PPP1R15B: variants seen among roughly 807,000 people sequenced by gnomAD.
The protein encoded by PPP1R15B is protein phosphatase 1, regulatory (inhibitor) subunit 15B.
PPP1R15B carries 31 observed loss-of-function variants against 53.9 expected under a neutral mutation model. That is an observed-to-expected ratio of 0.58 (90% CI 0.43 to 0.78). PPP1R15B has a LOEUF of 0.78. PPP1R15B is among the 30% of genes least tolerant of loss of function. The pLI, the probability that PPP1R15B is intolerant of heterozygous loss-of-function variation, is 0.00. For missense variants in PPP1R15B, 928 were observed against 849.6 expected, an observed-to-expected ratio of 1.09 and a Z score of -1.15; for synonymous variants, 345 against 329.1, an observed-to-expected ratio of 1.05 and a Z score of -0.52.
downstream of PPP1R15B, among the ~76,000 whole-genome samples, chr1:204,398,606 G>A (rs572501635): frequency 6.6e-6 from 1 of 152,350 alleles, no homozygotes; most frequent in Non-Finnish European, 1.5e-5. Context: ...GGCCTGGAAT[G>A]GGCAGGGCAG....
At position 204,411,468 on chromosome 1, in the gene PPP1R15B, G is replaced by A; in HGVS notation, c.-57C>T. 1 of 1,563,920 alleles carries A rather than the reference G, an allele frequency of 6.4e-7. No homozygotes were observed. The highest frequency in any genetic ancestry group is 8.6e-7 in the Non-Finnish European group (1 of 1,161,742). ...CCGCGGCGCTCAGCGGCTGGAGGTC[G>A]ACGGGATTCGGAGGAAGCCTACAGA... On this transcript the variant is annotated 5_prime_UTR_variant, in exon 1 of 2. Transcript: ENST00000367188.
downstream of PPP1R15B, among the ~76,000 whole-genome samples, chr1:204,397,165 C>G (rs1674109711): frequency 6.6e-6 from 1 of 151,586 alleles, no homozygotes. Context: ...TCCAGCTTGG[C>G]AACAGAGCAA....
At position 204,403,825 on chromosome 1, in the gene PPP1R15B, T is replaced by C; in HGVS notation, c.*2267A>G. 4.1e-6 allele frequency: 4 copies of C among 985,884 alleles called. No individual in the cohort carries two copies. The highest frequency in any genetic ancestry group is 3.6e-6 in the Non-Finnish European group (3 of 829,936). The allele number at this position is 985,884 out of a possible 1,614,324, so 61.1% of individuals were successfully genotyped here. Reference sequence around the variant, plus strand: ...TTTCTCCTTCAGTCCAACTTTAAAATAGTCCTTTCTGTCCTTCTTATCACC... The same window carrying C: ...TTTCTCCTTCAGTCCAACTTTAAAACAGTCCTTTCTGTCCTTCTTATCACC... On this transcript the variant is annotated 3_prime_UTR_variant, in exon 2 of 2. Transcript: ENST00000367188.
chr1:204,397,081 G>A (rs1428236353), downstream of PPP1R15B, among the ~76,000 whole-genome samples: 1 of 151,952 alleles, frequency 6.6e-6, no homozygotes, highest in Non-Finnish European at 1.5e-5. Flanking sequence ...CCAGCTACTC[G>A]GGAAACTGAG....
chr1:204,410,281 T>C lies in PPP1R15B; in HGVS notation c.1131A>G (p.Glu377=). The change falls in exon 1 of 2, where the codon GAA becomes GAG. Residue 377 remains glutamate, a synonymous_variant. Coordinates refer to ENST00000367188, the MANE Select transcript of PPP1R15B (RefSeq NM_032833.5). ...GACAGCCCTCAGAAGGGCTCTCTTC[T>C]TCCAAAGCAAGTGGAACCTCTGTAG... ...LLTTEVPLAL[E]EESPSEGCPS... is the part of the protein sequence containing the mutation. 1 of 1,614,196 alleles carries C rather than the reference T, an allele frequency of 6.2e-7. No individual in the cohort carries two copies. Among genetic ancestry groups the C allele is most frequent in the Non-Finnish European group, 8.5e-7 (1 of 1,180,032 alleles).
At chr1:204,397,146 C>G (rs1038834876), downstream of PPP1R15B, among the ~76,000 whole-genome samples, 2 of 151,826 alleles carry the variant, frequency 1.3e-5, no homozygotes, top group Admixed American at 6.6e-5. Context: ...CATGATCATG[C>G]CACTGCACTC....
At position 204,410,170 on chromosome 1, in the gene PPP1R15B, G is replaced by A. The variant is rs1674340362; in HGVS notation, c.1242C>T (p.Pro414=). 1 of 1,613,878 alleles carries A rather than the reference G, an allele frequency of 6.2e-7. No homozygotes were observed. Among genetic ancestry groups the A allele is most frequent in the Non-Finnish European group, 8.5e-7 (1 of 1,180,020 alleles). ...VDYSYLEGDL[P]ISARPACSNK... ...TACTACAAGCTGGTCTGGCAGAAAT[G>A]GGAAGGTCACCTTCTAGGTATGAGT... Residue 414 remains proline, a synonymous_variant, in exon 1 of 2, where the codon CCC becomes CCT. Coordinates refer to ENST00000367188, the MANE Select transcript of PPP1R15B (RefSeq NM_032833.5).
Position 204,406,048 on chromosome 1 carries a change from A to G in PPP1R15B, c.*44T>C, listed in dbSNP as rs746092967. The G allele has an allele frequency of 5.1e-6, 8 of 1,584,110 alleles. No homozygotes were observed. The highest frequency in any genetic ancestry group is 1.8e-5 in the Admixed American group (1 of 56,534). On this transcript the variant is annotated 3_prime_UTR_variant, in exon 2 of 2. Coordinates refer to ENST00000367188, the MANE Select transcript of PPP1R15B (RefSeq NM_032833.5). The stretch of plus-strand genomic sequence containing the variant: ...GATTTGTTTTTAAAAGACACCTCTC[A>G]GGTAAGAGGTAGTGTATGCTAGCTA...
rs367925820 is a variant in PPP1R15B at position 204,411,394 on chromosome 1, G to A, written c.18C>T (p.Gly6=). 2.5e-6 allele frequency: 4 copies of A among 1,612,348 alleles called. No homozygotes were observed. Among genetic ancestry groups the A allele is most frequent in the South Asian group, 1.1e-5 (1 of 91,020 alleles). The part of the protein sequence containing the change: MEPGT[G]GSRKRLGPRA... ...GAGGGCCAAGCCGTTTCCGCGATCC[G>A]CCTGTCCCCGGCTCCATCTCCTTTT... The change falls in exon 1 of 2, where the codon GGC becomes GGT. Residue 6 remains glycine, a synonymous_variant. Coordinates refer to ENST00000367188, the MANE Select transcript of PPP1R15B (RefSeq NM_032833.5).
Position 204,409,788 on chromosome 1 carries a change from C to T in PPP1R15B, c.1624G>A (p.Asp542Asn), listed in dbSNP as rs774532170. Reference protein sequence around the residue: ...TPEHSSGEEDDWESSADEAES... With the variant: ...TPEHSSGEEDNWESSADEAES... ...GCTTCATCTGCACTAGATTCCCAGT[C>T]ATCTTCCTCCCCAGAACTATGCTCA... The change falls in exon 1 of 2, where the codon GAC becomes AAC. Residue 542 changes from aspartate (D) to asparagine (N), a missense_variant. Transcript: ENST00000367188. The T allele has an allele frequency of 6.2e-6, 10 of 1,614,198 alleles. No homozygotes were observed. In the East Asian group the frequency reaches 2.2e-4, roughly 36 times the overall value.
chr1:204,396,353 C>CAA (rs1448025124), downstream of PPP1R15B, among the ~76,000 whole-genome samples: 255 of 60,716 alleles, frequency 4.2e-3, 3 homozygotes, highest in African/African-American at 0.014. Flanking sequence ...ACTAAAAATA[C>CAA]AAAAAAAAAA....
chr1:204,401,267 C>A (rs1478758342), downstream of PPP1R15B, among the ~76,000 whole-genome samples: 1 of 152,170 alleles, frequency 6.6e-6, no homozygotes, highest in Non-Finnish European at 1.5e-5. Context: ...AAGAGATTTA[C>A]GTATCCTCTT....
chr1:204,411,437 G>T lies in PPP1R15B; in HGVS notation c.-26C>A. On this transcript the variant is annotated 5_prime_UTR_variant, in exon 1 of 2. Coordinates refer to ENST00000367188, the MANE Select transcript of PPP1R15B (RefSeq NM_032833.5). ...CTCCTTTTTCTTGACAGTCTCTCAG[G>T]TAGGGCCGCGGCGCTCAGCGGCTGG... The T allele has an allele frequency of 6.3e-7, 1 of 1,596,528 alleles. No homozygotes were observed. Among genetic ancestry groups the T allele is most frequent in the Non-Finnish European group, 8.5e-7 (1 of 1,173,854 alleles).
downstream of PPP1R15B, among the ~76,000 whole-genome samples, chr1:204,397,434 G>A (rs1429312700): frequency 6.6e-6 from 1 of 151,994 alleles, no homozygotes; most frequent in Non-Finnish European, 1.5e-5. Context: ...GCTGAGACAT[G>A]AGAATTGCTT....
rs747398407 is a variant in PPP1R15B, at chr1:204,410,090, G to T, written c.1322C>A (p.Ser441Tyr). ...GGASSDLETS[S>Y]DPEGEDWDEE... Reference sequence around the variant, plus strand: ...ATCCCAATCCTCACCTTCTGGATCAGAACTTGTTTCCAGGTCACTGGATGC... The same window carrying T: ...ATCCCAATCCTCACCTTCTGGATCATAACTTGTTTCCAGGTCACTGGATGC... Residue 441 changes from serine (S) to tyrosine (Y), a missense_variant, in exon 1 of 2, where the codon TCT becomes TAT. By Grantham distance (144) the Ser-to-Tyr change is moderately radical (BLOSUM62 -2). Coordinates refer to ENST00000367188, the MANE Select transcript of PPP1R15B (RefSeq NM_032833.5). 2 of 1,614,182 alleles carry T rather than the reference G, an allele frequency of 1.2e-6. No individual in the cohort carries two copies. The highest frequency in any genetic ancestry group is 2.7e-5 in the African/African-American group (2 of 75,062).
downstream of PPP1R15B, among the ~76,000 whole-genome samples, chr1:204,400,063 T>C (rs1186336021): frequency 1.3e-5 from 2 of 151,938 alleles, no homozygotes; most frequent in African/African-American, 4.8e-5. Context: ...CCGGGCAACA[T>C]AGTGAGACCC....
At chr1:204,399,176 C>T (rs1244109753), downstream of PPP1R15B, among the ~76,000 whole-genome samples, 1 of 152,172 alleles carries the variant, frequency 6.6e-6, no homozygotes, top group Admixed American at 6.5e-5. Context: ...ACATGTAATC[C>T]CAGCACTTTG....
At position 204,410,190 on chromosome 1, in the gene PPP1R15B, A is replaced by G; in HGVS notation, c.1222T>C (p.Tyr408His). The change falls in exon 1 of 2, where the codon TAC becomes CAC. Residue 408 changes from tyrosine to histidine, a missense_variant. Transcript: ENST00000367188. The stretch of plus-strand genomic sequence containing the variant: ...GAAATGGGAAGGTCACCTTCTAGGT[A>G]TGAGTAATCAACTACACTTATTCGG... ...EGRISVVDYS[Y>H]LEGDLPISAR... 1 of 1,614,082 alleles carries G rather than the reference A, an allele frequency of 6.2e-7. No homozygotes were observed. The highest frequency in any genetic ancestry group is 8.5e-7 in the Non-Finnish European group (1 of 1,180,036).
chr1:204,409,201 T>G (rs1167284596), intron 1 of PPP1R15B, among the ~76,000 whole-genome samples: 1 of 152,172 alleles, frequency 6.6e-6, no homozygotes, highest in Non-Finnish European at 1.5e-5. Context: ...TGTGAAAAAT[T>G]GAAGCTTGTA....
Sources: gnomAD v4.1 joint callset for allele counts (sites outside exome capture counted in the v4.1 genomes callset) on GRCh38, gnomAD v4.1.1 for gene constraint, MANE v1.5 for transcripts, NCBI Gene and HGNC (gene_info 2026-07-23, HGNC 2026-07-21) for gene names.